NEURL1: variants seen among roughly 807,000 people sequenced by gnomAD.
NEURL1 encodes the protein neuralized E3 ubiquitin protein ligase 1.
Under a neutral mutation model 41.2 loss-of-function variants are expected in NEURL1, and 26 were observed. That is an observed-to-expected ratio of 0.63 (90% confidence interval 0.46 to 0.87). The LOEUF (loss-of-function observed/expected upper bound fraction) is 0.87, where lower values mean the gene tolerates loss of function less well. Ranked by LOEUF, NEURL1 falls within the 40% of genes least tolerant of loss-of-function variation. NEURL1 has a pLI of 0.00. For missense variants in NEURL1, 761 were observed against 871.1 expected, an observed-to-expected ratio of 0.87 and a Z score of 1.59; for synonymous variants, 400 against 402.3, an observed-to-expected ratio of 0.99 and a Z score of 0.07.
chr10:103,503,898 TC>T (rs1012618138), intron 1 of NEURL1, among the ~76,000 whole-genome samples: 1 of 146,734 alleles, frequency 6.8e-6, no homozygotes, highest in Non-Finnish European at 1.5e-5. Flanking sequence ...CAATGGATCC[TC>T]CCTCCACAGC....
chr10:103,531,692 T>C (rs1047792708), intron 1 of NEURL1, among the ~76,000 whole-genome samples: 3 of 151,578 alleles, frequency 2.0e-5, no homozygotes, highest in Non-Finnish European at 2.9e-5. Flanking sequence ...TTTTTCTTTT[T>C]TTTTTTTAGT....
rs989790733 is a variant in NEURL1, at chr10:103,584,540, C to G, written c.654C>G (p.Ser218Arg). Residue 218 changes from serine to arginine, a missense_variant, in exon 4 of 6, where the codon AGC becomes AGG. Around this residue, in one of 5 missense-constraint regions of NEURL1, gnomAD observed 114 missense variants for 144.8 expected, o/e 0.79. Transcript: ENST00000369780. ...TGCCCCGTGTCTCCCGCGCAGATAG[C>G]GAGCTGGTGCTCCCGGACTGTCTGC... ...GLTRGVQLLD[S>R]ELVLPDCLRP... 20 of 1,369,786 alleles carry G rather than the reference C, an allele frequency of 1.5e-5. No individual in the cohort carries two copies. Among genetic ancestry groups the G allele is most frequent in the Non-Finnish European group, 1.9e-5 (20 of 1,066,786 alleles). The allele number at this position is 1,369,786 out of a possible 1,614,324, so 84.9% of individuals were successfully genotyped here.
rs2133888094 is a variant in NEURL1 at position 103,590,209 on chromosome 10, G to A, written c.1562G>A (p.Cys521Tyr). The change falls in exon 6 of 6, where the codon TGC becomes TAC. Residue 521 changes from cysteine (C) to tyrosine (Y), a missense_variant. Coordinates refer to ENST00000369780, the MANE Select transcript of NEURL1 (RefSeq NM_004210.5). Reference sequence around the variant, plus strand: ...GGTCTGGGCCAGTGGAGCGATGAGTGCACCATTTGCTATGAACACGCGGTG... The same window carrying A: ...GGTCTGGGCCAGTGGAGCGATGAGTACACCATTTGCTATGAACACGCGGTG... Reference protein sequence around the residue: ...TPGLGQWSDECTICYEHAVDT... With the variant: ...TPGLGQWSDEYTICYEHAVDT... 1 of 1,614,202 alleles carries A rather than the reference G, an allele frequency of 6.2e-7. No individual in the cohort carries two copies. Among genetic ancestry groups the A allele is most frequent in the Non-Finnish European group, 8.5e-7 (1 of 1,180,042 alleles).
At chr10:103,569,903 A>G (rs532609338) in intron 1 of NEURL1, among the ~76,000 whole-genome samples, 80 of 152,226 alleles carry the variant, frequency 5.3e-4, no homozygotes, top group African/African-American at 1.8e-3. Flanking sequence ...CGGGGATTGG[A>G]GATGCAAAGT....
chr10:103,533,353 A>T (rs1255839668), intron 1 of NEURL1, among the ~76,000 whole-genome samples: 4 of 151,194 alleles, frequency 2.6e-5, no homozygotes. Flanking sequence ...GGTAATTTCA[A>T]ATGACCTTTC....
In NEURL1 at chr10:103,498,113, G is replaced by A. The variant is rs554253756; in HGVS notation, c.85+3641G>A. 4.6e-5 allele frequency among the ~76,000 whole-genome samples: 7 copies of A among 152,352 alleles called. No homozygotes were observed. The South Asian group carries it at 1.0e-3, about 23-fold the overall frequency. On this transcript the variant is annotated intron_variant, in intron 1 of 5. Transcript: ENST00000369780. ...GTATATATTTTCAGTGAGGGGCACAGAGTGACTGGGGTAGGGTGCACAGGA... is the reference window on the plus strand; with the variant it reads ...GTATATATTTTCAGTGAGGGGCACAAAGTGACTGGGGTAGGGTGCACAGGA...
At chr10:103,514,357 G>A (rs2034147792) in intron 1 of NEURL1, among the ~76,000 whole-genome samples, 1 of 152,068 alleles carries the variant, frequency 6.6e-6, no homozygotes, top group African/African-American at 2.4e-5. Flanking sequence ...TCCAAAGGGA[G>A]TGTTTCTTAC....
chr10:103,578,741 A>G (rs2035721792), intron 3 of NEURL1, among the ~76,000 whole-genome samples: 1 of 152,120 alleles, frequency 6.6e-6, no homozygotes, highest in South Asian at 2.1e-4. Flanking sequence ...TGTTTCTCCT[A>G]AATTTCCCAT....
chr10:103,530,485 T>G (rs554093853), intron 1 of NEURL1, among the ~76,000 whole-genome samples: 10 of 152,364 alleles, frequency 6.6e-5, no homozygotes, highest in South Asian at 4.1e-4. Context: ...TTGTACAATT[T>G]CACAAATTGT....
At chr10:103,504,632 A>T (rs921469349) in intron 1 of NEURL1, among the ~76,000 whole-genome samples, 5 of 152,118 alleles carry the variant, frequency 3.3e-5, no homozygotes, top group Non-Finnish European at 5.9e-5. Context: ...TTTCTATTGC[A>T]TTCTTTGGAA....
In NEURL1 at chr10:103,585,191, C is replaced by A; in HGVS notation, c.1305C>A (p.Gly435=). The change falls in exon 4 of 6, where the codon GGC becomes GGA. Residue 435 remains glycine (G), a synonymous_variant. Transcript: ENST00000369780. ...CGCAGCCGCTTTGGATGCTCTTCGGCCTGCACGGGACCATCACGCAGATCC... is the reference window on the plus strand; with the variant it reads ...CGCAGCCGCTTTGGATGCTCTTCGGACTGCACGGGACCATCACGCAGATCC... ...DASQPLWMLF[G]LHGTITQIRI... 1.3e-6 allele frequency: 2 copies of A among 1,577,620 alleles called. No individual in the cohort carries two copies. Among genetic ancestry groups the A allele is most frequent in the South Asian group, 1.2e-5 (1 of 86,634 alleles).
intron 1 of NEURL1, among the ~76,000 whole-genome samples, chr10:103,499,434 CTCCT>C (rs534142217): frequency 7.4e-5 from 11 of 149,514 alleles, no homozygotes; most frequent in South Asian, 6.4e-4. Flanking sequence ...CTCTTCTTCC[CTCCT>C]TCCTTCCTTC....
chr10:103,581,419 T>A (rs2035781223), intron 3 of NEURL1, among the ~76,000 whole-genome samples: 1 of 152,204 alleles, frequency 6.6e-6, no homozygotes, highest in African/African-American at 2.4e-5. Flanking sequence ...CCTCACAGCG[T>A]CTCTTCTAAG....
chr10:103,570,883 G>T lies in NEURL1; in HGVS notation c.97G>T (p.Gly33Cys). The stretch of plus-strand genomic sequence containing the variant: ...CTGTTCCTTTGCAGACTCTATCGGG[G>T]GCCCCTTCCCCGTCACTTCTCACCG... ...HPQNLKDSIGGPFPVTSHRCH... is the reference protein window; with the variant it reads ...HPQNLKDSIGCPFPVTSHRCH... The change falls in exon 2 of 6, where the codon GGC becomes TGC. Residue 33 changes from glycine to cysteine, a missense_variant. Physicochemically the swap from Gly to Cys is radical, Grantham distance 159. Coordinates refer to ENST00000369780, the MANE Select transcript of NEURL1 (RefSeq NM_004210.5). 1.9e-6 allele frequency: 3 copies of T among 1,613,230 alleles called. No individual in the cohort carries two copies. The highest frequency in any genetic ancestry group is 2.5e-6 in the Non-Finnish European group (3 of 1,179,648).
At chr10:103,572,157 T>C (rs1407031416) in intron 3 of NEURL1, among the ~76,000 whole-genome samples, 5 of 152,228 alleles carry the variant, frequency 3.3e-5, no homozygotes, top group African/African-American at 1.2e-4. Flanking sequence ...CCACAGTTCA[T>C]AGAACACTTA....
chr10:103,508,435 G>A lies in NEURL1; in HGVS notation c.85+13963G>A, dbSNP rs540998887. On this transcript the variant is annotated intron_variant, in intron 1 of 5. Coordinates refer to ENST00000369780, the MANE Select transcript of NEURL1 (RefSeq NM_004210.5). The surrounding 1 kb of genome is among the most constrained non-coding windows in gnomAD (Gnocchi z 4.3). ...ACAGCTAGGACCTCTTTCTGTCTCT[G>A]AGCGCCCTGACTTCTCTTCCAGCCC... is the stretch of plus-strand genomic sequence containing the variant. Among the ~76,000 whole-genome samples the A allele has an allele frequency of 6.6e-6, 1 of 152,278 alleles. No individual in the cohort carries two copies. The highest frequency in any genetic ancestry group is 6.5e-5 in the Admixed American group (1 of 15,296).
At chr10:103,580,630 A>C (rs939245089) in intron 3 of NEURL1, among the ~76,000 whole-genome samples, 1 of 152,136 alleles carries the variant, frequency 6.6e-6, no homozygotes, top group East Asian at 1.9e-4. Context: ...GGGCTTCGAC[A>C]CAGCTGGGCT....
chr10:103,567,247 G>C (rs1030816672), intron 1 of NEURL1, among the ~76,000 whole-genome samples: 52 of 152,090 alleles, frequency 3.4e-4, no homozygotes, highest in African/African-American at 1.1e-3. Flanking sequence ...GCCTCCCAAA[G>C]TGCTGAGATT....
chr10:103,549,507 G>A (rs2034991047), intron 1 of NEURL1, among the ~76,000 whole-genome samples: 1 of 152,238 alleles, frequency 6.6e-6, no homozygotes, highest in Admixed American at 6.5e-5. Context: ...ATAGAAGGAA[G>A]CTTTCAGCTG....
Sources: gnomAD v4.1 joint callset for allele counts (sites outside exome capture counted in the v4.1 genomes callset) on GRCh38, gnomAD v4.1.1 for gene constraint, gnomAD v4.1.1 regional missense constraint, Gnocchi (gnomAD v3.1) non-coding constraint, MANE v1.5 for transcripts, NCBI Gene and HGNC (gene_info 2026-07-23, HGNC 2026-07-21) for gene names.